Variants in ROCK1 observed in about 807,000 individuals in gnomAD.
ROCK1 encodes Rho associated coiled-coil containing protein kinase 1.
A neutral mutation model predicts 196.8 loss-of-function variants in ROCK1; 36 were observed. The ratio of observed to expected loss-of-function variants is 0.18; its 90% confidence interval spans 0.14 to 0.24. The LOEUF (loss-of-function observed/expected upper bound fraction) is 0.24. Among genes scored for constraint, ROCK1 ranks in the 10% least tolerant of loss-of-function variants. The probability of loss-of-function intolerance (pLI) is 1.00; values close to 1 mark genes in which losing one functional copy is unlikely to be tolerated. For missense variants in ROCK1, 920 were observed against 1,562.0 expected (o/e 0.59, Z 6.93); for synonymous variants, 443 against 515.9 (o/e 0.86, Z 1.91).
intron 22 of ROCK1, among the ~76,000 whole-genome samples, chr18:20,973,161 G>A (rs905144887): frequency 2.6e-5 from 4 of 152,206 alleles, no homozygotes; most frequent in African/African-American, 9.6e-5. Context: ...TTACAGGCGT[G>A]AGCCACCACG....
chr18:20,980,996 A>G (rs777008920), intron 21 of ROCK1, among the ~76,000 whole-genome samples: 2 of 152,046 alleles, frequency 1.3e-5, no homozygotes, highest in Non-Finnish European at 2.9e-5. Flanking sequence ...AATTTAACAC[A>G]TATTACTAAT....
At chr18:21,030,250 T>C (rs2035994604) in intron 9 of ROCK1, among the ~76,000 whole-genome samples, 1 of 152,214 alleles carries the variant, frequency 6.6e-6, no homozygotes. Flanking sequence ...ATACATTTTA[T>C]GTTAAAAGAG....
In ROCK1 at chr18:20,977,778, C is replaced by T. The variant is rs2035493931; in HGVS notation, c.2654+2132G>A. On this transcript the variant is annotated intron_variant, in intron 22 of 32. Coordinates refer to ENST00000399799, the MANE Select transcript of ROCK1 (RefSeq NM_005406.3). Reference sequence around the variant, plus strand: ...CCTCAGATCACTGATTGGCTTCTGCCTAAACTGTCCCCTTCACAGTGAATG... The same window carrying T: ...CCTCAGATCACTGATTGGCTTCTGCTTAAACTGTCCCCTTCACAGTGAATG... 3.3e-5 allele frequency among the ~76,000 whole-genome samples: 5 copies of T among 152,296 alleles called. No homozygotes were observed. The South Asian group carries it at 1.0e-3, about 32-fold the overall frequency.
At chr18:20,966,123 C>T (rs542687193) in intron 27 of ROCK1, among the ~76,000 whole-genome samples, 8 of 152,258 alleles carry the variant, frequency 5.3e-5, no homozygotes, top group Non-Finnish European at 1.2e-4. Context: ...GTATACAAAA[C>T]TTCCAAGACT....
At chr18:21,086,305 T>G (rs1279716690) in intron 1 of ROCK1, among the ~76,000 whole-genome samples, 1 of 152,106 alleles carries the variant, frequency 6.6e-6, no homozygotes, top group East Asian at 1.9e-4. Context: ...AGAGACAGGA[T>G]TTCACCATGT....
chr18:20,986,832 TG>T, intron 19 of ROCK1, 117 bp downstream of exon 19: 4 of 892,668 alleles, frequency 4.5e-6, no homozygotes, highest in Non-Finnish European at 6.7e-6. Context: ...CACAGACCCA[TG>T]TCAATTATTT....
chr18:21,030,704 C>T (rs1312007416), intron 9 of ROCK1, among the ~76,000 whole-genome samples: 1 of 152,056 alleles, frequency 6.6e-6, no homozygotes, highest in Non-Finnish European at 1.5e-5. Flanking sequence ...CACTTCAGAA[C>T]TAATAAGAAT....
intron 2 of ROCK1, among the ~76,000 whole-genome samples, chr18:21,058,495 C>A (rs1264739389): frequency 6.6e-6 from 1 of 152,154 alleles, no homozygotes; most frequent in East Asian, 1.9e-4. Context: ...GCCCAGTATA[C>A]ATTGCATACT....
intron 27 of ROCK1, 111 bp from the exon 28 acceptor site, chr18:20,960,317 A>T (rs1373206587): frequency 1.4e-6 from 1 of 691,370 alleles, no homozygotes; most frequent in Non-Finnish European, 2.6e-6. Context: ...CAACTAAATG[A>T]ATAAGTGCTA....
At chr18:21,021,182 A>T (rs2035910042) in intron 11 of ROCK1, among the ~76,000 whole-genome samples, 1 of 152,198 alleles carries the variant, frequency 6.6e-6, no homozygotes. Flanking sequence ...TATGAAAGAC[A>T]GCCAACACAC....
At chr18:20,972,273 AC>A (rs968529562) in intron 22 of ROCK1, among the ~76,000 whole-genome samples, 1 of 152,214 alleles carries the variant, frequency 6.6e-6, no homozygotes, top group Non-Finnish European at 1.5e-5. Context: ...CACTTAAACA[AC>A]TAGGAATAAC....
At chr18:21,108,331 A>G (rs1022185891) in intron 1 of ROCK1, among the ~76,000 whole-genome samples, 5 of 151,972 alleles carry the variant, frequency 3.3e-5, no homozygotes, top group African/African-American at 1.2e-4. Context: ...TTCAACCTTC[A>G]TCTTTCACCC....
intron 1 of ROCK1, among the ~76,000 whole-genome samples, chr18:21,101,795 C>G (rs918329160): frequency 6.6e-6 from 1 of 151,500 alleles, no homozygotes; most frequent in Non-Finnish European, 1.5e-5. Context: ...TGAATATAAA[C>G]TGGGAATTAA....
At chr18:21,057,039 G>T (rs192529341) in intron 2 of ROCK1, among the ~76,000 whole-genome samples, 57 of 152,182 alleles carry the variant, frequency 3.7e-4, no homozygotes, top group Non-Finnish European at 6.6e-4. Flanking sequence ...TTAAACTGTT[G>T]TATCTTTTCC....
At chr18:21,032,729 C>G (rs1356748775) in intron 9 of ROCK1, among the ~76,000 whole-genome samples, 1 of 148,624 alleles carries the variant, frequency 6.7e-6, no homozygotes, top group Non-Finnish European at 1.5e-5. Flanking sequence ...GCCATGTTGA[C>G]CAGGCTGATC....
At chr18:21,030,035 G>A (rs372412702) in intron 9 of ROCK1, among the ~76,000 whole-genome samples, 3 of 152,070 alleles carry the variant, frequency 2.0e-5, no homozygotes, top group East Asian at 1.9e-4. Context: ...TTTAGGGAAC[G>A]AAACAACACA....
intron 9 of ROCK1, among the ~76,000 whole-genome samples, chr18:21,034,970 T>C (rs1263662335): frequency 6.6e-6 from 1 of 152,018 alleles, no homozygotes; most frequent in African/African-American, 2.4e-5. Context: ...GGCAAAGAAC[T>C]TGAATAGAAA....
intron 1 of ROCK1, among the ~76,000 whole-genome samples, chr18:21,084,647 G>T: frequency 6.6e-6 from 1 of 152,176 alleles, no homozygotes; most frequent in East Asian, 1.9e-4. Context: ...AATGAAACTG[G>T]AACCCTTGGC....
chr18:21,049,544 C>G (rs1352507620), intron 3 of ROCK1, among the ~76,000 whole-genome samples: 1 of 152,152 alleles, frequency 6.6e-6, no homozygotes, highest in East Asian at 1.9e-4. Flanking sequence ...ATATTAGGAG[C>G]AAAGATTTAT....
Sources: gnomAD v4.1 joint callset for allele counts (sites outside exome capture counted in the v4.1 genomes callset) on GRCh38, gnomAD v4.1.1 for gene constraint, MANE v1.5 for transcripts, NCBI Gene and HGNC (gene_info 2026-07-23, HGNC 2026-07-21) for gene names.